Variants in GLG1 observed in about 807,000 individuals in gnomAD.
GLG1 encodes golgi glycoprotein 1.
Under a neutral mutation model 160.5 loss-of-function variants are expected in GLG1, and 38 were observed. The ratio of observed to expected loss-of-function variants is 0.24; its 90% CI spans 0.18 to 0.31. GLG1 has a LOEUF of 0.31. GLG1 is among the 10% of genes least tolerant of loss of function. The pLI is 1.00. For missense variants in GLG1, 1,373 were observed against 1,505.2 expected, an observed-to-expected ratio of 0.91 and a Z score of 1.45; for synonymous variants, 644 against 543.4, an observed-to-expected ratio of 1.19 and a Z score of -2.57.
At chr16:74,594,167 A>G (rs1009043280) in intron 1 of GLG1, among the ~76,000 whole-genome samples, 2 of 152,128 alleles carry the variant, frequency 1.3e-5, no homozygotes, top group East Asian at 3.9e-4. Context: ...TCAGCCTCCC[A>G]AAGTGCTAGG....
chr16:74,534,267 C>T (rs1244229352), intron 1 of GLG1, among the ~76,000 whole-genome samples: 1 of 151,984 alleles, frequency 6.6e-6, no homozygotes, highest in Non-Finnish European at 1.5e-5. Context: ...GTTCCCACCA[C>T]CTCAATCTGA....
At chr16:74,480,469 G>T in intron 10 of GLG1, 75 bp from the exon 11 acceptor site, 2 of 1,101,962 alleles carry the variant, frequency 1.8e-6, no homozygotes, top group Non-Finnish European at 2.7e-6. Flanking sequence ...GGGTTTTTAT[G>T]AGGTGTTTGC....
chr16:74,581,534 T>TAA (rs33982914), intron 1 of GLG1, among the ~76,000 whole-genome samples: 25,601 of 131,886 alleles, frequency 0.19, 2,756 homozygotes, highest in South Asian at 0.39. Context: ...ATGTAAGATT[T>TAA]AAAAAAAAAA....
intron 1 of GLG1, among the ~76,000 whole-genome samples, chr16:74,583,540 T>A (rs990560405): frequency 3.9e-5 from 6 of 152,038 alleles, no homozygotes; most frequent in Non-Finnish European, 1.5e-5. Flanking sequence ...CCACCACACC[T>A]GGCTAATTAT....
At chr16:74,473,836 T>C (rs1018154792) in intron 13 of GLG1, among the ~76,000 whole-genome samples, 2 of 152,132 alleles carry the variant, frequency 1.3e-5, no homozygotes, top group African/African-American at 4.8e-5. Context: ...GTCCTCAGCT[T>C]TTATGTTCTG....
chr16:74,604,043 C>A (rs1415072600), intron 1 of GLG1, among the ~76,000 whole-genome samples: 1 of 151,378 alleles, frequency 6.6e-6, no homozygotes, highest in Non-Finnish European at 1.5e-5. Context: ...CTAATCCCAG[C>A]ACTTTGGAAA....
chr16:74,561,408 T>G (rs960785114), intron 1 of GLG1, among the ~76,000 whole-genome samples: 8 of 152,198 alleles, frequency 5.3e-5, no homozygotes, highest in Non-Finnish European at 1.0e-4. Flanking sequence ...TTCAAGAACG[T>G]TCATGGAAAG....
At chr16:74,519,514 T>C (rs920986836) in intron 2 of GLG1, among the ~76,000 whole-genome samples, 7 of 151,828 alleles carry the variant, frequency 4.6e-5, no homozygotes, top group African/African-American at 1.7e-4. Context: ...CATACGATTA[T>C]GTGCAATACA....
chr16:74,572,247 G>A (rs113133569), intron 1 of GLG1, among the ~76,000 whole-genome samples: 125 of 152,128 alleles, frequency 8.2e-4, no homozygotes, highest in Non-Finnish European at 1.4e-3. Context: ...ACGGTGGCTC[G>A]CACCTGTAAT....
At chr16:74,462,004 G>C (rs931166464) in intron 22 of GLG1, 90 bp downstream of exon 22, 2 of 698,034 alleles carry the variant, frequency 2.9e-6, no homozygotes, top group African/African-American at 1.8e-5. Context: ...GATCATTCAC[G>C]GCTGAAGGGA....
At chr16:74,530,397 C>T (rs1304821312) in intron 2 of GLG1, among the ~76,000 whole-genome samples, 1 of 152,128 alleles carries the variant, frequency 6.6e-6, no homozygotes, top group South Asian at 2.1e-4. Flanking sequence ...CTGCAGAGAG[C>T]CAGAAAGTAA....
chr16:74,458,218 A>T, intron 23 of GLG1: 8 of 443,494 alleles, frequency 1.8e-5, no homozygotes, highest in African/African-American at 9.7e-5. Context: ...GGAAAAAAGC[A>T]GGGGACTGTA....
chr16:74,501,398 G>A (rs1161237023), intron 4 of GLG1, among the ~76,000 whole-genome samples: 2 of 152,164 alleles, frequency 1.3e-5, no homozygotes, highest in East Asian at 3.8e-4. Flanking sequence ...AATGACAAAA[G>A]TGTCATTTCT....
chr16:74,448,643 T>C lies in GLG1; in HGVS notation c.*4524A>G, dbSNP rs930696497. 2 of 151,038 alleles carry C rather than the reference T, an allele frequency of 1.3e-5. No individual in the cohort carries two copies. The highest frequency in any genetic ancestry group is 4.9e-5 in the African/African-American group (2 of 40,998). 9.4% of individuals were successfully genotyped at this position (151,038 alleles called of 1,614,324 possible). ...GGTGCATGCCCGTAATCCCAACTAC[T>C]TGGGAGGCTGAGGCAGGAGAACTGC... On this transcript the variant is annotated 3_prime_UTR_variant, in exon 26 of 26. Transcript: ENST00000422840.
chr16:74,477,440 T>C lies in GLG1; in HGVS notation c.1921A>G (p.Ile641Val). ...LDPALQDKCLIDLGKWCSEKT... is the reference protein window; with the variant it reads ...LDPALQDKCLVDLGKWCSEKT... ...TCACTGCACCATTTTCCCAGATCAA[T>C]CAGGCACTTATCCTGGAGGGCAGGA... Residue 641 changes from isoleucine (I) to valine (V), a missense_variant, in exon 12 of 26, where the codon ATT (isoleucine) becomes GTT (valine). By Grantham distance (29) the Ile-to-Val change is conservative. This residue lies in a region of GLG1 where 386 missense variants were observed against 388.5 expected (regional missense o/e 0.99). Coordinates refer to ENST00000422840, the MANE Select transcript of GLG1 (RefSeq NM_001145667.2). 6.2e-7 allele frequency: 1 copy of C among 1,612,602 alleles called. No homozygotes were observed. Among genetic ancestry groups the C allele is most frequent in the Non-Finnish European group, 8.5e-7 (1 of 1,178,586 alleles).
intron 10 of GLG1, among the ~76,000 whole-genome samples, chr16:74,480,740 C>G (rs1034975001): frequency 3.9e-5 from 6 of 151,934 alleles, no homozygotes; most frequent in Non-Finnish European, 7.4e-5. Context: ...TTTGGTAGAA[C>G]AGAGTCTCGC....
chr16:74,603,110 A>ACAG (rs372869560), intron 1 of GLG1, among the ~76,000 whole-genome samples: 9 of 151,402 alleles, frequency 5.9e-5, no homozygotes, highest in East Asian at 3.9e-4. Context: ...AACAACAACA[A>ACAG]CAGCAGCAGC....
At chr16:74,501,451 G>A (rs1385035116) in intron 4 of GLG1, among the ~76,000 whole-genome samples, 1 of 152,164 alleles carries the variant, frequency 6.6e-6, no homozygotes, top group East Asian at 1.9e-4. Flanking sequence ...TTATCTAAGT[G>A]AATAAACAAT....
At chr16:74,578,270 T>C (rs529493211) in intron 1 of GLG1, among the ~76,000 whole-genome samples, 2 of 152,240 alleles carry the variant, frequency 1.3e-5, no homozygotes, top group South Asian at 2.1e-4. Flanking sequence ...TAAAAGCTTT[T>C]TGTAGAACTC....
Sources: gnomAD v4.1 joint callset for allele counts (sites outside exome capture counted in the v4.1 genomes callset) on GRCh38, gnomAD v4.1.1 for gene constraint, gnomAD v4.1.1 regional missense constraint, MANE v1.5 for transcripts, NCBI Gene and HGNC (gene_info 2026-07-23, HGNC 2026-07-21) for gene names.